FTCD: variants seen among roughly 807,000 people sequenced by gnomAD.
FTCD encodes the protein formimidoyltransferase cyclodeaminase.
FTCD carries 76 observed loss-of-function variants against 62.9 expected under a neutral mutation model. That is an observed-to-expected ratio of 1.21 (90% CI 1.00 to 1.46). The LOEUF (loss-of-function observed/expected upper bound fraction) is 1.46, where lower values mean the gene tolerates loss of function less well. FTCD is among the 40% of genes most tolerant of loss of function. FTCD has a pLI of 0.00. For missense variants in FTCD, 845 were observed against 751.3 expected (o/e 1.12, Z -1.46); for synonymous variants, 397 against 336.9 (o/e 1.18, Z -1.95).
Position 46,151,633 on chromosome 21 carries a change from G to A in FTCD, c.561C>T (p.Ile187=). 6.2e-7 allele frequency: 1 copy of A among 1,613,088 alleles called. No individual in the cohort carries two copies. Among genetic ancestry groups the A allele is most frequent in the Non-Finnish European group, 8.5e-7 (1 of 1,179,946 alleles). The change falls in exon 5 of 14, where the codon ATC becomes ATT. Residue 187 remains isoleucine (I), a synonymous_variant. Coordinates refer to ENST00000397746, the MANE Select transcript of FTCD (RefSeq NM_206965.2). ...GARKFLIAFN[I]NLLGTKEQAH... ...CTTGCTCCTTTGTGCCGAGCAGGTTGATGTTAAAAGCAATGAGGAACTTCC... is the reference window on the plus strand; with the variant it reads ...CTTGCTCCTTTGTGCCGAGCAGGTTAATGTTAAAAGCAATGAGGAACTTCC...
chr21:46,150,236 T>G lies in FTCD; in HGVS notation c.789A>C (p.Pro263=), dbSNP rs1317642694. ...TCREAQELSL[P]VVGSQLVGLV... The stretch of plus-strand genomic sequence containing the variant: ...GGCCCACCAGCTGTGAGCCCACCAC[T>G]GGGAGGCTCAGCTCCTGCCAAGGCA... The change falls in exon 7 of 14, where the codon CCA becomes CCC. Residue 263 remains proline (P), a synonymous_variant. Transcript: ENST00000397746. 6.2e-7 allele frequency: 1 copy of G among 1,609,736 alleles called. No homozygotes were observed. Among genetic ancestry groups the G allele is most frequent in the Admixed American group, 1.7e-5 (1 of 59,620 alleles).
intron 3 of FTCD, 91 bp from the exon 4 acceptor site, chr21:46,152,071 TAA>T (rs1568983527): frequency 4.4e-6 from 4 of 900,436 alleles, no homozygotes; most frequent in South Asian, 3.0e-5. Flanking sequence ...CCCTCCAGCC[TAA>T]CCCAGGAATG....
At position 46,136,896 on chromosome 21, in the gene FTCD, G is replaced by T. The variant is rs772183062; in HGVS notation, c.*91C>A. On this transcript the variant is annotated 3_prime_UTR_variant, in exon 14 of 14. Transcript: ENST00000397746. Reference sequence around the variant, plus strand: ...CCCACCTACCCTCCGGGCCCCACACGAACAAGCTGTGTCCCCACCGAGGTC... The same window carrying T: ...CCCACCTACCCTCCGGGCCCCACACTAACAAGCTGTGTCCCCACCGAGGTC... 1.9e-6 allele frequency: 3 copies of T among 1,593,056 alleles called. No individual in the cohort carries two copies. The highest frequency in any genetic ancestry group is 1.7e-6 in the Non-Finnish European group (2 of 1,170,742).
chr21:46,154,402 G>A, intron 1 of FTCD, 70 bp from the exon 2 acceptor site: 3 of 1,516,878 alleles, frequency 2.0e-6, no homozygotes, highest in Non-Finnish European at 2.7e-6. Flanking sequence ...CTTGGAGGTG[G>A]CTGCACCCCG....
chr21:46,141,268 T>G (rs1201647181), intron 10 of FTCD, among the ~76,000 whole-genome samples: 2 of 151,538 alleles, frequency 1.3e-5, no homozygotes, highest in Non-Finnish European at 2.9e-5. Context: ...CCTGAGTAGC[T>G]GGGACCACAG....
chr21:46,137,102 G>A, intron 13 of FTCD, 29 bp from the exon 14 acceptor site: 1 of 1,613,422 alleles, frequency 6.2e-7, no homozygotes, highest in Non-Finnish European at 8.5e-7. Flanking sequence ...GAGGGGTCTG[G>A]TAGTTCCAGT....
At chr21:46,136,431 G>A (rs1213156471), downstream of FTCD, 5 of 1,612,418 alleles carry the variant, frequency 3.1e-6, no homozygotes, top group Admixed American at 1.7e-5. Context: ...AGACCTGCCG[G>A]GAGCTGCACC....
intron 10 of FTCD, 49 bp from the exon 11 acceptor site, chr21:46,138,972 G>A (rs1230017701): frequency 3.5e-6 from 5 of 1,444,268 alleles, no homozygotes; most frequent in South Asian, 1.1e-5. Context: ...AGGGGGAGCA[G>A]CCATGCCCTC....
chr21:46,145,624 C>A (rs1330800261), intron 9 of FTCD, 46 bp from the exon 10 acceptor site: 1 of 1,467,740 alleles, frequency 6.8e-7, no homozygotes, highest in South Asian at 1.2e-5. Flanking sequence ...CCAGACGGCC[C>A]GGGACCGACC....
At chr21:46,139,683 C>G (rs1167172896) in intron 10 of FTCD, among the ~76,000 whole-genome samples, 3 of 152,246 alleles carry the variant, frequency 2.0e-5, no homozygotes, top group Admixed American at 2.0e-4. Context: ...GATCTGGATC[C>G]TTTGACCATT....
intron 10 of FTCD, chr21:46,142,022 AAG>A (rs1196668911): frequency 2.0e-5 from 3 of 152,396 alleles, no homozygotes; most frequent in Non-Finnish European, 2.9e-5. Flanking sequence ...CTGAGGCAGC[AAG>A]AGAGGCGAGC....
intron 10 of FTCD, 134 bp from the exon 11 acceptor site, chr21:46,139,057 T>C (rs2078937428): frequency 1.3e-6 from 1 of 745,586 alleles, no homozygotes; most frequent in African/African-American, 1.7e-5. Context: ...AAGCTTCTGT[T>C]GGGCCAGTGG....
chr21:46,138,521 C>T lies in FTCD; in HGVS notation c.1430G>A (p.Arg477Gln), dbSNP rs539095795. Residue 477 changes from arginine to glutamine, a missense_variant, in exon 12 of 14, where the codon CGG becomes CAG. By Grantham distance (43) the Arg-to-Gln change is conservative (BLOSUM62 1). Transcript: ENST00000397746. ...ELARCGNLACRSDLQVAAKAL... is the reference protein window; with the variant it reads ...ELARCGNLACQSDLQVAAKAL... ...GGGCCCCCCTACCTGGAGGTCTGAC[C>T]GGCAGGCCAGGTTCCCACACCGGGC... 1.2e-5 allele frequency: 19 copies of T among 1,585,978 alleles called. No homozygotes were observed. Among genetic ancestry groups the T allele is most frequent in the African/African-American group, 5.3e-5 (4 of 74,792 alleles).
Position 46,145,945 on chromosome 21 carries a change from T to A in FTCD, c.971A>T (p.Tyr324Phe). The A allele has an allele frequency of 6.7e-7, 1 of 1,495,934 alleles. No individual in the cohort carries two copies. The highest frequency in any genetic ancestry group is 1.2e-5 in the South Asian group (1 of 80,448). The allele number at this position is 1,495,934 out of a possible 1,614,324, so 92.7% of individuals were successfully genotyped here. The change falls in exon 9 of 14, where the codon TAC becomes TTC. Residue 324 changes from tyrosine (Y) to phenylalanine (F), a missense_variant and splice_region_variant. Coordinates refer to ENST00000397746, the MANE Select transcript of FTCD (RefSeq NM_206965.2). ...PFSPKERIIE[Y>F]LVPERGPERG... ...CTCAGGCCCGCGCTCAGGGACCAGG[T>A]ACCTGCAGGGTGGGCGCGGCTCAGC... is the stretch of plus-strand genomic sequence containing the variant.
intron 1 of FTCD, among the ~76,000 whole-genome samples, chr21:46,154,921 C>T (rs562610189): frequency 2.0e-5 from 3 of 152,324 alleles, no homozygotes; most frequent in African/African-American, 7.2e-5. Context: ...TTAGGGCCTG[C>T]GTTTGTTCCC....
At position 46,136,819 on chromosome 21, in the gene FTCD, G is replaced by A. The variant is rs2078876403; in HGVS notation, c.*168C>T. ...TTACTGGAGGTCACATGGGACTAGG[G>A]GCCTTCTGTCCCTGCCAGCGCCTCC... On this transcript the variant is annotated 3_prime_UTR_variant, in exon 14 of 14. Coordinates refer to ENST00000397746, the MANE Select transcript of FTCD (RefSeq NM_206965.2). The A allele has an allele frequency of 3.9e-6, 6 of 1,547,516 alleles. No individual in the cohort carries two copies. The highest frequency in any genetic ancestry group is 2.4e-5 in the East Asian group (1 of 40,890).
rs1325373918 is a variant in FTCD at position 46,137,245 on chromosome 21, CT to C, written c.1532del (p.Lys511ArgfsTer54). ...NLRDITDEAF[K>X]DQIHHRVSSL... The stretch of plus-strand genomic sequence containing the variant: ...ACACCTGCCTCCTGCTCACCTGGTC[CT>C]TAAATGCCTCGTCTGTGATGTCCCT... On this transcript the variant is annotated frameshift_variant, in exon 13 of 14. Transcript: ENST00000397746. LOFTEE classifies it high-confidence loss of function. 3 of 1,611,878 alleles carry C rather than the reference CT, an allele frequency of 1.9e-6. No individual in the cohort carries two copies. Among genetic ancestry groups the C allele is most frequent in the East Asian group, 4.5e-5 (2 of 44,870 alleles).
At chr21:46,141,812 G>A (rs16978932) in intron 10 of FTCD, among the ~76,000 whole-genome samples, 12,317 of 152,212 alleles carry the variant, frequency 0.081, 956 homozygotes, top group East Asian at 0.35. Flanking sequence ...TGGAAAAGAA[G>A]TAAAAACCAC....
Position 46,138,905 on chromosome 21 carries a change from T to A in FTCD, c.1279A>T (p.Lys427Ter). ...CTGTCCTTTTCCTCAGGTGTGTTCT[T>A]GGGGAGCCTCATTGCTTCCTGCCAT... ...TAYLEAMRLPKNTPEEKDRRT... is the reference protein window; with the variant it reads ...TAYLEAMRLP The change falls in exon 11 of 14, where the codon AAG becomes TAG. Residue 427 changes from lysine to a stop codon, truncating the protein, a stop_gained. Coordinates refer to ENST00000397746, the MANE Select transcript of FTCD (RefSeq NM_206965.2). LOFTEE classifies it high-confidence loss of function. The A allele has an allele frequency of 6.2e-7, 1 of 1,613,216 alleles. No individual in the cohort carries two copies. Among genetic ancestry groups the A allele is most frequent in the Non-Finnish European group, 8.5e-7 (1 of 1,179,436 alleles).
Sources: gnomAD v4.1 joint callset for allele counts (sites outside exome capture counted in the v4.1 genomes callset) on GRCh38, gnomAD v4.1.1 for gene constraint, MANE v1.5 for transcripts, NCBI Gene and HGNC (gene_info 2026-07-23, HGNC 2026-07-21) for gene names.